ABCA1: variants seen among roughly 807,000 people sequenced by gnomAD.
The protein encoded by ABCA1 is ATP binding cassette subfamily A member 1.
ABCA1 carries 133 observed loss-of-function variants against 262.5 expected under a neutral mutation model. The observed-to-expected ratio is 0.51, with a 90% CI of 0.44 to 0.59. The LOEUF is 0.59. Ranked by LOEUF, ABCA1 falls within the 20% of genes least tolerant of loss-of-function variation. The pLI is 0.00. For missense variants in ABCA1, 2,452 were observed against 2,777.5 expected (o/e 0.88, Z 2.63); for synonymous variants, 1,022 against 1,043.5 (o/e 0.98, Z 0.40).
intron 5 of ABCA1, among the ~76,000 whole-genome samples, chr9:104,870,655 ACCATGAGTTT>A (rs1421090882): frequency 6.6e-6 from 1 of 152,110 alleles, no homozygotes; most frequent in African/African-American, 2.4e-5. Context: ...CCTCACAGAT[ACCATGAGTTT>A]CATGTGCGTC....
chr9:104,838,297 C>CTT (rs1346059416), intron 9 of ABCA1, among the ~76,000 whole-genome samples: 1 of 144,426 alleles, frequency 6.9e-6, no homozygotes, highest in Non-Finnish European at 1.5e-5. Context: ...GAGCGAAACT[C>CTT]TGTCTCCCAA....
At chr9:104,841,864 A>G (rs1188290595) in intron 8 of ABCA1, among the ~76,000 whole-genome samples, 1 of 152,240 alleles carries the variant, frequency 6.6e-6, no homozygotes, top group Non-Finnish European at 1.5e-5. Flanking sequence ...CTCAGCCCCA[A>G]TGCTATTATG....
chr9:104,856,809 G>T (rs1428289663), intron 7 of ABCA1, among the ~76,000 whole-genome samples: 1 of 152,204 alleles, frequency 6.6e-6, no homozygotes, highest in African/African-American at 2.4e-5. Flanking sequence ...TTGTCATGCA[G>T]TGAAGCAGCC....
intron 2 of ABCA1, among the ~76,000 whole-genome samples, chr9:104,894,547 T>C (rs1289656093): frequency 6.6e-6 from 1 of 152,240 alleles, no homozygotes; most frequent in Non-Finnish European, 1.5e-5. Flanking sequence ...AGTACTCTTG[T>C]TATACACATT....
At position 104,831,007 on chromosome 9, in the gene ABCA1, T is replaced by C; in HGVS notation, c.1810A>G (p.Ile604Val). Residue 604 changes from isoleucine (I) to valine (V), a missense_variant, in exon 14 of 50, where the codon ATC becomes GTC. Physicochemically the swap from Ile to Val is conservative, Grantham distance 29. Coordinates refer to ENST00000374736, the MANE Select transcript of ABCA1 (RefSeq NM_005502.4). Reference protein sequence around the residue: ...AYLQDVVEQAIIRVLTGTEKK... With the variant: ...AYLQDVVEQAVIRVLTGTEKK... ...TCGGTGCCCGTCAGCACCCTGATGA[T>C]TGCCTGCTCCACCACATCCTGCAAG... The C allele has an allele frequency of 1.2e-6, 2 of 1,613,870 alleles. No individual in the cohort carries two copies. The highest frequency in any genetic ancestry group is 1.7e-5 in the Admixed American group (1 of 59,984).
intron 2 of ABCA1, among the ~76,000 whole-genome samples, chr9:104,890,628 G>T (rs968423144): frequency 2.6e-5 from 4 of 151,496 alleles, no homozygotes; most frequent in South Asian, 4.2e-4. Context: ...TTGAGACAGG[G>T]TCTTGCTCCA....
chr9:104,797,025 A>G (rs74378049), intron 37 of ABCA1, among the ~76,000 whole-genome samples: 3,021 of 152,352 alleles, frequency 0.02, 105 homozygotes, highest in African/African-American at 0.068. Context: ...GTCAGCCGCT[A>G]GAAGAACTGC....
chr9:104,922,920 T>C (rs1189844125), intron 1 of ABCA1, among the ~76,000 whole-genome samples: 1 of 152,160 alleles, frequency 6.6e-6, no homozygotes, highest in Non-Finnish European at 1.5e-5. Context: ...TTTCACCATA[T>C]TTGCCAGGCT....
intron 1 of ABCA1, among the ~76,000 whole-genome samples, chr9:104,922,870 C>T (rs542824342): frequency 2.0e-5 from 3 of 152,230 alleles, no homozygotes; most frequent in Admixed American, 6.5e-5. Context: ...GCACCCACCA[C>T]CACGCCCAGC....
chr9:104,874,845 C>T (rs1294139279), intron 5 of ABCA1, among the ~76,000 whole-genome samples: 1 of 142,406 alleles, frequency 7.0e-6, no homozygotes, highest in African/African-American at 3.0e-5. Context: ...CCCGCCCGGC[C>T]AGCCACCCCG....
intron 29 of ABCA1, among the ~76,000 whole-genome samples, 162 bp downstream of exon 29, chr9:104,810,638 G>A (rs904264597): frequency 3.9e-5 from 6 of 152,288 alleles, no homozygotes; most frequent in Admixed American, 6.5e-5. Flanking sequence ...GGGTTAGTTC[G>A]CTGCTGTTCT....
At position 104,901,363 on chromosome 9, in the gene ABCA1, C is replaced by T. The variant is rs79794931; in HGVS notation, c.66+2251G>A. On this transcript the variant is annotated intron_variant, in intron 2 of 49. Transcript: ENST00000374736. Reference sequence around the variant, plus strand: ...TGCTTTGTACCTCAGCTTTCTCATCCGTAAAATAAGAGGTTCAGACTAGAC... The same window carrying T: ...TGCTTTGTACCTCAGCTTTCTCATCTGTAAAATAAGAGGTTCAGACTAGAC... 9.2e-3 allele frequency among the ~76,000 whole-genome samples: 1,401 copies of T among 152,120 alleles called. 26 individuals carry two copies. Among genetic ancestry groups the T allele is most frequent in the African/African-American group, 0.032 (1,343 of 41,488 alleles).
At chr9:104,850,339 C>G (rs1381236658) in intron 7 of ABCA1, among the ~76,000 whole-genome samples, 1 of 152,216 alleles carries the variant, frequency 6.6e-6, no homozygotes, top group Non-Finnish European at 1.5e-5. Context: ...CCAAGCTGGT[C>G]TCCAACTCCT....
chr9:104,848,045 C>G (rs1835049071), intron 7 of ABCA1, among the ~76,000 whole-genome samples: 1 of 152,168 alleles, frequency 6.6e-6, no homozygotes, highest in South Asian at 2.1e-4. Context: ...TATGTGCACA[C>G]ACACACACAT....
At chr9:104,832,792 T>C (rs1446091510) in intron 11 of ABCA1, 21 bp from the exon 12 acceptor site, 1 of 1,611,734 alleles carries the variant, frequency 6.2e-7, no homozygotes, top group East Asian at 2.2e-5. Flanking sequence ...AGTGAGAAAG[T>C]ACAAGTAGTA....
In ABCA1 at chr9:104,807,310, G is replaced by A. The variant is rs117736319; in HGVS notation, c.4275-880C>T. On this transcript the variant is annotated intron_variant, in intron 30 of 49. Coordinates refer to ENST00000374736, the MANE Select transcript of ABCA1 (RefSeq NM_005502.4). Reference sequence around the variant, plus strand: ...CTACGCTGTCTACAAATTTTCCCTGGAGATAAGACACAAAGCCTTCAACCT... The same window carrying A: ...CTACGCTGTCTACAAATTTTCCCTGAAGATAAGACACAAAGCCTTCAACCT... Among the ~76,000 whole-genome samples, 1,160 of 152,214 alleles carry A rather than the reference G, an allele frequency of 7.6e-3. 8 individuals carry two copies. The highest frequency in any genetic ancestry group is 0.015 in the Admixed American group (229 of 15,304).
At chr9:104,800,359 A>AC in intron 35 of ABCA1, 151 bp downstream of exon 35, 1 of 762,798 alleles carries the variant, frequency 1.3e-6, no homozygotes, top group Non-Finnish European at 2.2e-6. Flanking sequence ...GAATCACTAC[A>AC]CTACACCGTA....
intron 42 of ABCA1, 138 bp from the exon 43 acceptor site, chr9:104,792,136 A>T: frequency 1.3e-6 from 1 of 799,308 alleles, no homozygotes; most frequent in Non-Finnish European, 2.1e-6. Context: ...GGCATATTTG[A>T]TGTGCCAAGA....
intron 15 of ABCA1, among the ~76,000 whole-genome samples, chr9:104,828,157 T>C (rs2118994757): frequency 6.6e-6 from 1 of 152,300 alleles, no homozygotes; most frequent in East Asian, 1.9e-4. Context: ...TGCCCAGCTG[T>C]CAGTAGACGG....
Sources: allele counts gnomAD v4.1 joint callset (sites outside exome capture counted in the v4.1 genomes callset), GRCh38; gene constraint gnomAD v4.1.1; transcripts MANE v1.5; gene names NCBI Gene and HGNC (gene_info 2026-07-23, HGNC 2026-07-21).